Variants in ANKS1B observed in about 807,000 individuals in gnomAD.
ANKS1B encodes the protein ankyrin repeat and sterile alpha motif domain containing 1B, also known as ankyrin repeat and sterile alpha motif domain-containing protein 1B.
A neutral mutation model predicts 148.3 loss-of-function variants in ANKS1B; 36 were observed. That is an observed-to-expected ratio of 0.24 (90% CI 0.19 to 0.32). ANKS1B has a LOEUF of 0.32. Ranked by LOEUF, ANKS1B falls within the 10% of genes least tolerant of loss-of-function variation. The pLI is 1.00. For synonymous variants in ANKS1B, 542 were observed against 560.8 expected (o/e 0.97, Z 0.47); for missense variants, 1,157 against 1,542.6 (o/e 0.75, Z 4.19).
At chr12:99,368,612 A>G (rs73372055) in intron 12 of ANKS1B, among the ~76,000 whole-genome samples, 5,963 of 152,140 alleles carry the variant, frequency 0.039, 364 homozygotes, top group African/African-American at 0.13. Context: ...TTATAGATGT[A>G]TAAAATATAT....
At chr12:99,326,675 T>A (rs1419055302) in intron 12 of ANKS1B, among the ~76,000 whole-genome samples, 3 of 152,034 alleles carry the variant, frequency 2.0e-5, no homozygotes, top group Non-Finnish European at 2.9e-5. Flanking sequence ...GAGCTTATGT[T>A]GAGAAAGTTT....
At chr12:99,291,727 A>G (rs2080023375) in intron 12 of ANKS1B, among the ~76,000 whole-genome samples, 1 of 152,030 alleles carries the variant, frequency 6.6e-6, no homozygotes, top group African/African-American at 2.4e-5. Context: ...CTCTCACCTT[A>G]TAAAAAATCA....
At chr12:99,488,880 G>C (rs778552164) in intron 10 of ANKS1B, among the ~76,000 whole-genome samples, 10 of 152,170 alleles carry the variant, frequency 6.6e-5, no homozygotes, top group Admixed American at 3.3e-4. Flanking sequence ...ATAGGGGAAG[G>C]ATTGCTTTAA....
chr12:99,384,062 C>T (rs901328921), intron 12 of ANKS1B, among the ~76,000 whole-genome samples: 1 of 152,032 alleles, frequency 6.6e-6, no homozygotes, highest in Admixed American at 6.6e-5. Flanking sequence ...ATAACGTCAA[C>T]ATTTTCTAAT....
intron 12 of ANKS1B, among the ~76,000 whole-genome samples, chr12:99,275,528 C>A (rs1336126218): frequency 6.6e-6 from 1 of 152,176 alleles, no homozygotes; most frequent in Non-Finnish European, 1.5e-5. Context: ...GATCTCATTC[C>A]TTTTTATGGC....
chr12:99,510,938 C>G (rs1346847420), intron 9 of ANKS1B, among the ~76,000 whole-genome samples: 1 of 151,912 alleles, frequency 6.6e-6, no homozygotes, highest in African/African-American at 2.4e-5. Flanking sequence ...GATGATGGGG[C>G]TTTCTAGATA....
At chr12:98,745,908 C>T in intron 26 of ANKS1B, 59 bp from the exon 27 acceptor site, 1 of 1,558,346 alleles carries the variant, frequency 6.4e-7, no homozygotes, top group Non-Finnish European at 8.7e-7. Context: ...CGCGCATGCA[C>T]GCGGACGCCG....
chr12:99,073,399 C>T (rs1443878842), intron 16 of ANKS1B, among the ~76,000 whole-genome samples: 1 of 152,166 alleles, frequency 6.6e-6, no homozygotes, highest in African/African-American at 2.4e-5. Context: ...GAATGACCTT[C>T]CATCTTGCCT....
intron 9 of ANKS1B, among the ~76,000 whole-genome samples, chr12:99,567,988 T>C (rs771506844): frequency 2.0e-5 from 3 of 152,186 alleles, no homozygotes; most frequent in Non-Finnish European, 2.9e-5. Context: ...ACAAGGACAA[T>C]TTATTATTTC....
intron 17 of ANKS1B, among the ~76,000 whole-genome samples, chr12:98,891,970 A>G (rs1404924279): frequency 6.6e-6 from 1 of 152,228 alleles, no homozygotes; most frequent in Non-Finnish European, 1.5e-5. Flanking sequence ...AAAATCCAAA[A>G]TGTGTAAAAA....
At chr12:99,479,041 C>G (rs1234388388) in intron 10 of ANKS1B, among the ~76,000 whole-genome samples, 1 of 151,920 alleles carries the variant, frequency 6.6e-6, no homozygotes, top group African/African-American at 2.4e-5. Context: ...TGTACTATGT[C>G]TTCATAATCA....
intron 8 of ANKS1B, among the ~76,000 whole-genome samples, chr12:99,685,530 A>G (rs1003421175): frequency 6.6e-6 from 1 of 152,162 alleles, no homozygotes; most frequent in Non-Finnish European, 1.5e-5. Flanking sequence ...GAAAGTCCTT[A>G]AAGAACTAAA....
intron 17 of ANKS1B, among the ~76,000 whole-genome samples, chr12:98,832,781 C>T (rs2099329451): frequency 6.6e-6 from 1 of 152,150 alleles, no homozygotes; most frequent in Non-Finnish European, 1.5e-5. Flanking sequence ...CATTTTATCA[C>T]ACTCTAAAAG....
intron 25 of ANKS1B, among the ~76,000 whole-genome samples, chr12:98,769,495 A>G (rs2098540079): frequency 6.6e-6 from 1 of 152,290 alleles, no homozygotes; most frequent in African/African-American, 2.4e-5. Context: ...AGTAATGTTT[A>G]CATTAAATCA....
At chr12:99,769,972 G>A (rs564668595) in intron 8 of ANKS1B, among the ~76,000 whole-genome samples, 1 of 152,144 alleles carries the variant, frequency 6.6e-6, no homozygotes, top group Non-Finnish European at 1.5e-5. Context: ...ACACAGCTTA[G>A]TCTCTCCCTA....
At chr12:99,306,088 T>C (rs781077246) in intron 12 of ANKS1B, among the ~76,000 whole-genome samples, 13 of 152,158 alleles carry the variant, frequency 8.5e-5, no homozygotes, top group Admixed American at 2.0e-4. Context: ...TTTGGGAGGA[T>C]ATGGTGGGGG....
chr12:99,183,830 C>T lies in ANKS1B; in HGVS notation c.2420-29435G>A, dbSNP rs11109756. ...CCTGACCTCATATGGCCAAGGATTA[C>T]TCTTGACTTTTTTCTGTCAGAGCAC... On this transcript the variant is annotated intron_variant, in intron 14 of 26. Transcript: ENST00000683438. 0.011 allele frequency among the ~76,000 whole-genome samples: 1,685 copies of T among 152,256 alleles called. 194 individuals carry two copies. The East Asian group carries it at 0.27, about 24-fold the overall frequency.
chr12:99,211,782 G>T (rs1029268601), intron 14 of ANKS1B, among the ~76,000 whole-genome samples: 4 of 152,184 alleles, frequency 2.6e-5, no homozygotes, highest in Admixed American at 2.0e-4. Flanking sequence ...TATTGAGCTA[G>T]AATTATAGCC....
intron 17 of ANKS1B, among the ~76,000 whole-genome samples, chr12:99,030,510 A>G (rs1266288462): frequency 2.0e-5 from 3 of 149,164 alleles, no homozygotes; most frequent in Admixed American, 1.4e-4. Context: ...ATCCAGCTGT[A>G]GTTTTTTCTC....
Sources: allele counts gnomAD v4.1 joint callset (sites outside exome capture counted in the v4.1 genomes callset), GRCh38; gene constraint gnomAD v4.1.1; transcripts MANE v1.5; gene names NCBI Gene and HGNC (gene_info 2026-07-23, HGNC 2026-07-21).